The following VSTM2A variants were observed in gnomAD, a reference collection of about 807,000 sequenced individuals.
VSTM2A encodes V-set and transmembrane domain-containing protein 2A.
A neutral mutation model predicts 27.3 loss-of-function variants in VSTM2A; 13 were observed. That is an observed-to-expected ratio of 0.48 (90% CI 0.31 to 0.76). The LOEUF is 0.76. Ranked by LOEUF, VSTM2A falls within the 30% of genes least tolerant of loss-of-function variation. The pLI is 0.05. For synonymous variants in VSTM2A, 142 were observed against 125.7 expected, an observed-to-expected ratio of 1.13 and a Z score of -0.87; for missense variants, 280 against 310.0, an observed-to-expected ratio of 0.90 and a Z score of 0.73.
chr7:54,548,787 G>A (rs1788085460), intron 3 of VSTM2A, among the ~76,000 whole-genome samples: 1 of 151,972 alleles, frequency 6.6e-6, no homozygotes, highest in African/African-American at 2.4e-5. Context: ...ATATGTAAAA[G>A]CAGATGAGTG....
At chr7:54,554,034 T>A in intron 4 of VSTM2A, 1 of 1,553,104 alleles carries the variant, frequency 6.4e-7, no homozygotes, top group South Asian at 1.2e-5. Context: ...TGGCCATGGA[T>A]CAACCCCTGG....
intron 2 of VSTM2A, among the ~76,000 whole-genome samples, chr7:54,545,949 C>G (rs866944668): frequency 6.8e-4 from 15 of 21,970 alleles, no homozygotes; most frequent in East Asian, 1.9e-3. Context: ...GGTGGGAGAG[C>G]AGAGAGAATG....
intron 4 of VSTM2A, among the ~76,000 whole-genome samples, chr7:54,564,845 T>C (rs540425738): frequency 1.2e-3 from 131 of 106,252 alleles, no homozygotes; most frequent in Middle Eastern, 8.9e-3. Flanking sequence ...TAAAAGTCTA[T>C]GCTATGAAAA....
At chr7:54,561,522 G>A (rs1025017748) in intron 4 of VSTM2A, among the ~76,000 whole-genome samples, 41 of 152,112 alleles carry the variant, frequency 2.7e-4, no homozygotes, top group Non-Finnish European at 5.4e-4. Context: ...TTATGTCTGG[G>A]AAGTTTGATG....
intron 4 of VSTM2A, chr7:54,551,832 T>C (rs180993056): frequency 6.6e-6 from 1 of 152,302 alleles, no homozygotes; most frequent in East Asian, 1.9e-4. Context: ...AAATTATTAT[T>C]ATCCTACATA....
At chr7:54,555,394 C>A (rs1788322656) in intron 4 of VSTM2A, among the ~76,000 whole-genome samples, 1 of 152,198 alleles carries the variant, frequency 6.6e-6, no homozygotes, top group Non-Finnish European at 1.5e-5. Flanking sequence ...TTCAGTCTTT[C>A]CATTTGGTAT....
chr7:54,548,085 C>A (rs145516446), intron 3 of VSTM2A, among the ~76,000 whole-genome samples: 3 of 152,242 alleles, frequency 2.0e-5, no homozygotes, highest in African/African-American at 7.2e-5. Context: ...TTGGTAAAAT[C>A]TAGTTTTTTC....
In VSTM2A at chr7:54,542,796, G is replaced by A; in HGVS notation, c.66G>A (p.Gly22=). The A allele has an allele frequency of 1.2e-6, 2 of 1,613,786 alleles. No individual in the cohort carries two copies. Among genetic ancestry groups the A allele is most frequent in the Non-Finnish European group, 1.7e-6 (2 of 1,179,806 alleles). ...VFFSVLYVQQ[G]LSSQAKFTEF... is the part of the protein sequence containing the mutation. ...TTTCCGTTTTATATGTACAACAAGG[G>A]CTTTCTTCTCAAGGTAAGTCTTGCT... Residue 22 remains glycine (G), a synonymous_variant, in exon 1 of 5, where the codon GGG becomes GGA. Transcript: ENST00000402613.
At chr7:54,561,728 G>A (rs1317397762) in intron 4 of VSTM2A, among the ~76,000 whole-genome samples, 1 of 152,112 alleles carries the variant, frequency 6.6e-6, no homozygotes, top group African/African-American at 2.4e-5. Context: ...TTAAGGAAAA[G>A]GGTAAGGCCA....
intron 1 of VSTM2A, among the ~76,000 whole-genome samples, chr7:54,543,478 C>T (rs1273530960): frequency 2.6e-5 from 4 of 152,016 alleles, no homozygotes; most frequent in African/African-American, 4.8e-5. Context: ...AGCCCTTTTC[C>T]GATCAGAATG....
At chr7:54,552,236 CAA>C (rs1788222085) in intron 4 of VSTM2A, 2 of 152,144 alleles carry the variant, frequency 1.3e-5, no homozygotes, top group Non-Finnish European at 2.9e-5. Context: ...CTGCTTATAT[CAA>C]AGAGTAACTT....
chr7:54,554,238 G>T (rs1283298405), intron 4 of VSTM2A, among the ~76,000 whole-genome samples: 1 of 151,908 alleles, frequency 6.6e-6, no homozygotes, highest in Non-Finnish European at 1.5e-5. Context: ...CTCTTTGCAG[G>T]CTGGTCACCT....
At chr7:54,544,360 T>C (rs1787874167) in intron 1 of VSTM2A, among the ~76,000 whole-genome samples, 2 of 152,208 alleles carry the variant, frequency 1.3e-5, no homozygotes, top group Admixed American at 1.3e-4. Context: ...CCTGCGGGGA[T>C]CTTGGCTAAG....
chr7:54,562,968 C>T (rs1788608311), intron 4 of VSTM2A, among the ~76,000 whole-genome samples: 1 of 152,166 alleles, frequency 6.6e-6, no homozygotes, highest in African/African-American at 2.4e-5. Context: ...ATTTTAGCAA[C>T]ACTTGTCTAT....
chr7:54,543,793 G>A (rs1434738751), intron 1 of VSTM2A, among the ~76,000 whole-genome samples: 4 of 152,142 alleles, frequency 2.6e-5, no homozygotes, highest in African/African-American at 9.7e-5. Flanking sequence ...CAACCACGTT[G>A]GTAACAAGAT....
At chr7:54,566,429 T>C (rs1019341104) in intron 4 of VSTM2A, among the ~76,000 whole-genome samples, 1 of 152,160 alleles carries the variant, frequency 6.6e-6, no homozygotes, top group Non-Finnish European at 1.5e-5. Flanking sequence ...ATATGATTAA[T>C]TACACACAAT....
intron 2 of VSTM2A, 66 bp from the exon 3 acceptor site, chr7:54,546,881 G>C: frequency 6.3e-7 from 1 of 1,589,368 alleles, no homozygotes; most frequent in Non-Finnish European, 8.5e-7. Flanking sequence ...CGAAGGCTAT[G>C]CTCGCGTGGG....
Position 54,544,680 on chromosome 7 carries a change from G to C in VSTM2A, c.138G>C (p.Met46Ile), listed in dbSNP as rs1554329916. Residue 46 changes from methionine to isoleucine, a missense_variant, in exon 2 of 5, where the codon ATG becomes ATC. By Grantham distance (10) the Met-to-Ile change is conservative. Coordinates refer to ENST00000402613, the MANE Select transcript of VSTM2A (RefSeq NM_001301009.2). ...CGACCGAGGGGCAGAATGTGGAGAT[G>C]TCCTGCGCCTTCCAGAGCGGCTCCG... ...VTATEGQNVE[M>I]SCAFQSGSAS... is the part of the protein sequence containing the mutation. The C allele has an allele frequency of 6.8e-6, 11 of 1,612,878 alleles. No individual in the cohort carries two copies. The highest frequency in any genetic ancestry group is 9.3e-6 in the Non-Finnish European group (11 of 1,179,880).
chr7:54,567,610 A>G (rs1457267364), intron 4 of VSTM2A, among the ~76,000 whole-genome samples: 4 of 152,208 alleles, frequency 2.6e-5, no homozygotes, highest in Admixed American at 2.6e-4. Flanking sequence ...AAAGAAAACC[A>G]ATATTTCACA....
Sources: gnomAD v4.1 joint callset for allele counts (sites outside exome capture counted in the v4.1 genomes callset) on GRCh38, gnomAD v4.1.1 for gene constraint, MANE v1.5 for transcripts, NCBI Gene and HGNC (gene_info 2026-07-23, HGNC 2026-07-21) for gene names.